RANBP2: variants seen among roughly 807,000 people sequenced by gnomAD.
RANBP2 encodes the protein E3 SUMO-protein ligase RanBP2.
In RANBP2, 57 loss-of-function variants were observed where a neutral mutation model predicts 303.6. That is an observed-to-expected ratio of 0.19 (90% CI 0.15 to 0.23). RANBP2 has a LOEUF of 0.23. Among genes scored for constraint, RANBP2 ranks in the 10% least tolerant of loss-of-function variants. The pLI is 1.00. For synonymous variants in RANBP2, 1,167 were observed against 1,301.5 expected (o/e 0.90, Z 2.23); for missense variants, 3,138 against 3,780.8 (o/e 0.83, Z 4.46).
At chr2:109,200,708 C>T in the RANBP2 span, among the ~76,000 whole-genome samples, 1 of 152,206 alleles carries the variant, frequency 6.6e-6, no homozygotes, top group Non-Finnish European at 1.5e-5. Context: ...GTTGGTTCAC[C>T]TGCTCACAGG....
At chr2:108,863,017 C>A in the RANBP2 span, among the ~76,000 whole-genome samples, 1 of 152,150 alleles carries the variant, frequency 6.6e-6, no homozygotes, top group African/African-American at 2.4e-5. Flanking sequence ...TAAACTTGTT[C>A]TACACATCTA....
At chr2:109,446,520 A>T in the RANBP2 span, among the ~76,000 whole-genome samples, 1 of 152,172 alleles carries the variant, frequency 6.6e-6, no homozygotes, top group Non-Finnish European at 1.5e-5. Context: ...GGGGAGGCTG[A>T]GGCTGCAGGG....
the RANBP2 span, among the ~76,000 whole-genome samples, chr2:108,877,703 C>T: frequency 1.6e-4 from 25 of 152,036 alleles, no homozygotes; most frequent in East Asian, 3.3e-3. Flanking sequence ...ACAAGTGGAG[C>T]GGAAGCAATA....
chr2:109,302,493 G>A, the RANBP2 span, among the ~76,000 whole-genome samples: 1 of 152,240 alleles, frequency 6.6e-6, no homozygotes, highest in Non-Finnish European at 1.5e-5. Flanking sequence ...CCCCATAGGG[G>A]AGGGCTCTGC....
chr2:109,419,115 T>A, the RANBP2 span, among the ~76,000 whole-genome samples: 1 of 152,150 alleles, frequency 6.6e-6, no homozygotes, highest in Admixed American at 6.5e-5. Flanking sequence ...GGACCAATTT[T>A]CTTTAGGGAT....
the RANBP2 span, among the ~76,000 whole-genome samples, chr2:108,862,147 G>T: frequency 3.4e-5 from 5 of 148,998 alleles, no homozygotes; most frequent in African/African-American, 1.2e-4. Context: ...TTCACATGCA[G>T]ATGAGAAGAA....
chr2:108,795,947 T>A, the RANBP2 span, among the ~76,000 whole-genome samples: 2 of 152,230 alleles, frequency 1.3e-5, no homozygotes, highest in Non-Finnish European at 2.9e-5. Flanking sequence ...TAGGCAAGAT[T>A]GCAAGGATGT....
chr2:108,744,393 G>A (rs574161167), intron 7 of RANBP2, among the ~76,000 whole-genome samples: 13 of 145,892 alleles, frequency 8.9e-5, no homozygotes, highest in Non-Finnish European at 1.5e-4. Context: ...GCGACAGAGC[G>A]AGACTCCATC....
chr2:109,094,601 G>T, the RANBP2 span, among the ~76,000 whole-genome samples: 1 of 152,144 alleles, frequency 6.6e-6, no homozygotes, highest in Non-Finnish European at 1.5e-5. Flanking sequence ...AGGCTGAAGT[G>T]GGCAGATCAC....
the RANBP2 span, among the ~76,000 whole-genome samples, chr2:108,930,771 A>G: frequency 6.6e-6 from 1 of 152,210 alleles, no homozygotes; most frequent in Admixed American, 6.5e-5. Flanking sequence ...GGAGCTACCA[A>G]CGAAATCAAT....
the RANBP2 span, among the ~76,000 whole-genome samples, chr2:109,724,318 G>C: frequency 3.9e-5 from 6 of 152,316 alleles, no homozygotes; most frequent in South Asian, 1.2e-3. Flanking sequence ...GTCAATGGTA[G>C]TTTAATGGGA....
the RANBP2 span, among the ~76,000 whole-genome samples, chr2:109,080,709 A>G: frequency 1.3e-5 from 2 of 152,300 alleles, no homozygotes; most frequent in East Asian, 3.9e-4. Context: ...TATAGAAGCC[A>G]TGTTAACACT....
chr2:109,351,977 A>G, the RANBP2 span, among the ~76,000 whole-genome samples: 1 of 152,258 alleles, frequency 6.6e-6, no homozygotes, highest in Admixed American at 6.5e-5. Context: ...TCCTAGGGAC[A>G]GACATAGATG....
chr2:109,591,720 A>G, the RANBP2 span, among the ~76,000 whole-genome samples: 1 of 152,046 alleles, frequency 6.6e-6, no homozygotes, highest in Non-Finnish European at 1.5e-5. Flanking sequence ...AACACGAGCA[A>G]AACCCCGTCT....
chr2:109,346,486 G>A, the RANBP2 span, among the ~76,000 whole-genome samples: 1 of 152,070 alleles, frequency 6.6e-6, no homozygotes. Context: ...AAATCGTTGG[G>A]TATTGACACC....
At chr2:109,149,268 C>T in the RANBP2 span, among the ~76,000 whole-genome samples, 3 of 152,292 alleles carry the variant, frequency 2.0e-5, no homozygotes, top group Middle Eastern at 3.4e-3. Flanking sequence ...TATGGCCCCC[C>T]GGGACCCGTT....
rs531623769 is a variant in RANBP2, at chr2:108,740,580, C to T, written c.874C>T (p.His292Tyr). 3.8e-6 allele frequency: 6 copies of T among 1,597,536 alleles called. No homozygotes were observed. The highest frequency in any genetic ancestry group is 5.1e-6 in the Non-Finnish European group (6 of 1,179,782). ...AGAAATGAAAGGACATTTCTACATGCATGCTGGTTCTCTGCTTTTGAAGAT... is the reference window on the plus strand; with the variant it reads ...AGAAATGAAAGGACATTTCTACATGTATGCTGGTTCTCTGCTTTTGAAGAT... The part of the protein sequence containing the change: ...FLEMKGHFYM[H>Y]AGSLLLKMGQ... Residue 292 changes from histidine to tyrosine, a missense_variant, in exon 7 of 29, where the codon CAT becomes TAT. By Grantham distance (83) the His-to-Tyr change is moderately conservative (BLOSUM62 2). Coordinates refer to ENST00000283195, the MANE Select transcript of RANBP2 (RefSeq NM_006267.5).
chr2:109,475,839 C>T, the RANBP2 span, among the ~76,000 whole-genome samples: 9 of 152,228 alleles, frequency 5.9e-5, no homozygotes, highest in African/African-American at 2.2e-4. Context: ...GCCTGGCTGC[C>T]TCTACCTTGG....
chr2:109,104,986 T>C, the RANBP2 span, among the ~76,000 whole-genome samples: 1 of 152,164 alleles, frequency 6.6e-6, no homozygotes, highest in South Asian at 2.1e-4. Flanking sequence ...AGTAGGTAGC[T>C]AGGTAGACAT....
Sources: allele counts gnomAD v4.1 joint callset (sites outside exome capture counted in the v4.1 genomes callset), GRCh38; gene constraint gnomAD v4.1.1; transcripts MANE v1.5; gene names NCBI Gene and HGNC (gene_info 2026-07-23, HGNC 2026-07-21).